LCA5L: variants seen among roughly 807,000 people sequenced by gnomAD.
LCA5L encodes the protein lebercilin-like protein.
In LCA5L, 35 loss-of-function variants were observed where a neutral mutation model predicts 45.4. The observed-to-expected ratio is 0.77, with a 90% confidence interval of 0.59 to 1.02. LCA5L has a LOEUF of 1.02. Ranked by LOEUF, LCA5L falls within the 50% of genes least tolerant of loss-of-function variation. The pLI is 0.00. For synonymous variants in LCA5L, 233 were observed against 264.7 expected (o/e 0.88, Z 1.16); for missense variants, 668 against 761.6 (o/e 0.88, Z 1.45).
In LCA5L at chr21:39,405,997, G is replaced by A. The variant is rs1486568095; in HGVS notation, c.1898C>T (p.Pro633Leu). 3 of 1,614,062 alleles carry A rather than the reference G, an allele frequency of 1.9e-6. No individual in the cohort carries two copies. The highest frequency in any genetic ancestry group is 2.5e-6 in the Non-Finnish European group (3 of 1,180,036). ...EEPLQSKESH[P>L]LPPSQASTSH... Reference sequence around the variant, plus strand: ...GGTGGAGGCCTGACTGGGAGGCAGGGGATGCGACTCCTTACTTTGCAAAGG... The same window carrying A: ...GGTGGAGGCCTGACTGGGAGGCAGGAGATGCGACTCCTTACTTTGCAAAGG... The change falls in exon 11 of 11, where the codon CCC (proline) becomes CTC (leucine). Residue 633 changes from proline (P) to leucine (L), a missense_variant. Transcript: ENST00000288350.
At chr21:39,432,563 T>C (rs566640505) in intron 3 of LCA5L, among the ~76,000 whole-genome samples, 13 of 152,276 alleles carry the variant, frequency 8.5e-5, no homozygotes, top group African/African-American at 2.9e-4. Flanking sequence ...TTGATAAGAT[T>C]AGAAATGTGT....
chr21:39,428,306 G>A lies in LCA5L; in HGVS notation c.188C>T (p.Ser63Phe), dbSNP rs765570033. Residue 63 changes from serine to phenylalanine, a missense_variant, in exon 5 of 11, where the codon TCT becomes TTT. Transcript: ENST00000288350. Reference sequence around the variant, plus strand: ...AAAGTCTTCTGAATAATCATACTGAGAACTTAAACTTCCACAGGAGCACTG... The same window carrying A: ...AAAGTCTTCTGAATAATCATACTGAAAACTTAAACTTCCACAGGAGCACTG... ...RSQCSCGSLS[S>F]QYDYSEDFLC... 8.1e-6 allele frequency: 13 copies of A among 1,612,504 alleles called. 1 individual carries two copies. The South Asian group carries it at 1.3e-4, about 16-fold the overall frequency.
At position 39,420,647 on chromosome 21, in the gene LCA5L, T is replaced by C. The variant is rs111345380; in HGVS notation, c.975+59A>G. ...CACTTAAAGATATAATAGACATAAA[T>C]AGCTCATATATTTCGGGAAACAGGA... On this transcript the variant is annotated intron_variant, in intron 7 of 10. Transcript: ENST00000288350. The C allele has an allele frequency of 1.7e-3, 2,391 of 1,433,316 alleles. 32 individuals are homozygous for C. The African/African-American group carries it at 0.027, about 16-fold the overall frequency. 88.8% of individuals were successfully genotyped at this position (1,433,316 alleles called of 1,614,324 possible).
At chr21:39,444,236 C>T (rs1370229613) in intron 1 of LCA5L, 35 bp from the exon 2 acceptor site, 1 of 152,220 alleles carries the variant, frequency 6.6e-6, no homozygotes, top group Non-Finnish European at 1.5e-5. Context: ...TAAACTCCTA[C>T]ATGATTCCTG....
At chr21:39,441,786 T>C (rs1016029944) in intron 2 of LCA5L, among the ~76,000 whole-genome samples, 1 of 152,220 alleles carries the variant, frequency 6.6e-6, no homozygotes, top group Non-Finnish European at 1.5e-5. Context: ...TGACACAACA[T>C]TCTTTTTAAT....
intron 7 of LCA5L, 79 bp downstream of exon 7, chr21:39,420,627 A>T: frequency 1.6e-6 from 2 of 1,280,248 alleles, no homozygotes; most frequent in Non-Finnish European, 2.2e-6. Context: ...AAAATCACTT[A>T]AAGATATAAT....
chr21:39,438,020 C>T (rs1312592517), intron 2 of LCA5L, among the ~76,000 whole-genome samples: 2 of 151,764 alleles, frequency 1.3e-5, no homozygotes, highest in South Asian at 4.2e-4. Context: ...TTTGACCAAA[C>T]GATACAAAAT....
intron 10 of LCA5L, among the ~76,000 whole-genome samples, chr21:39,407,489 A>G (rs1431208529): frequency 1.3e-5 from 2 of 152,224 alleles, no homozygotes; most frequent in African/African-American, 4.8e-5. Flanking sequence ...ATAGACAAGG[A>G]TAAGTGCAAC....
At position 39,409,937 on chromosome 21, in the gene LCA5L, TAAAG is replaced by T. The variant is rs548502656; in HGVS notation, c.1282+38_1282+41del. On this transcript the variant is annotated intron_variant, in intron 10 of 10. Coordinates refer to ENST00000288350, the MANE Select transcript of LCA5L (RefSeq NM_152505.4). The surrounding 1 kb of genome is among the most constrained non-coding windows in gnomAD (Gnocchi z 4.2). ...ATACACATATAGTAATTCACAATTT[TAAAG>T]AAATCAGATAAGATAGACTTTAAAG... 164 of 1,167,864 alleles carry T rather than the reference TAAAG, an allele frequency of 1.4e-4. 1 individual carries two copies. The African/African-American group carries it at 2.3e-3, about 16-fold the overall frequency. The allele number at this position is 1,167,864 out of a possible 1,614,324, so 72.3% of individuals were successfully genotyped here.
chr21:39,440,400 AAAAAC>A (rs1239450382), intron 2 of LCA5L, among the ~76,000 whole-genome samples: 1 of 152,172 alleles, frequency 6.6e-6, no homozygotes, highest in Non-Finnish European at 1.5e-5. Context: ...CATCTCTATA[AAAAAC>A]AAAACAAAAC....
chr21:39,428,786 A>C lies in LCA5L; in HGVS notation c.-10-283T>G, dbSNP rs1404451913. 2.0e-5 allele frequency among the ~76,000 whole-genome samples: 3 copies of C among 149,140 alleles called. No individual in the cohort carries two copies. The East Asian group carries it at 6.0e-4, about 30-fold the overall frequency. On this transcript the variant is annotated intron_variant, in intron 4 of 10. Transcript: ENST00000288350. ...TGCCGTCACACCTGGCTAACTTATT[A>C]TTTTTTGGTAGAAATGGGAGTCTCA... is the stretch of plus-strand genomic sequence containing the variant.
intron 3 of LCA5L, among the ~76,000 whole-genome samples, chr21:39,434,983 T>G (rs2076152603): frequency 6.6e-6 from 1 of 152,212 alleles, no homozygotes; most frequent in African/African-American, 2.4e-5. Flanking sequence ...TGTATCAAAT[T>G]TACAGTATAG....
At chr21:39,434,319 C>T (rs1400155218) in intron 3 of LCA5L, among the ~76,000 whole-genome samples, 1 of 152,194 alleles carries the variant, frequency 6.6e-6, no homozygotes, top group African/African-American at 2.4e-5. Context: ...AGTTTTCTCA[C>T]TGACCTGTTA....
At chr21:39,423,558 TA>T in intron 5 of LCA5L, 68 bp from the exon 6 acceptor site, 2 of 1,368,810 alleles carry the variant, frequency 1.5e-6, no homozygotes, top group Non-Finnish European at 2.0e-6. Flanking sequence ...CACATATGCA[TA>T]ATCTCTCTCC....
chr21:39,440,019 A>G (rs2076663188), intron 2 of LCA5L, among the ~76,000 whole-genome samples: 1 of 152,208 alleles, frequency 6.6e-6, no homozygotes, highest in Non-Finnish European at 1.5e-5. Context: ...AAGGAGTTAT[A>G]TACAGTTACA....
chr21:39,416,785 A>G (rs1024694173), intron 7 of LCA5L, among the ~76,000 whole-genome samples: 3 of 152,168 alleles, frequency 2.0e-5, no homozygotes, highest in Admixed American at 1.3e-4. Context: ...ATTACCAACT[A>G]TATCATTACT....
In LCA5L at chr21:39,410,112, G is replaced by A; in HGVS notation, c.1165-16C>T. Reference sequence around the variant, plus strand: ...CCTTTTTACCCTGTAATTTAGAAAAGCAGCAAAAACACATTTTGGGGGGTC... The same window carrying A: ...CCTTTTTACCCTGTAATTTAGAAAAACAGCAAAAACACATTTTGGGGGGTC... On this transcript the variant is annotated splice_polypyrimidine_tract_variant and intron_variant, in intron 9 of 10. Coordinates refer to ENST00000288350, the MANE Select transcript of LCA5L (RefSeq NM_152505.4). The A allele has an allele frequency of 6.4e-7, 1 of 1,555,702 alleles. No homozygotes were observed. Among genetic ancestry groups the A allele is most frequent in the Non-Finnish European group, 8.9e-7 (1 of 1,128,968 alleles).
intron 7 of LCA5L, 147 bp downstream of exon 7, chr21:39,420,559 A>G (rs1601813698): frequency 2.5e-6 from 1 of 406,960 alleles, no homozygotes; most frequent in Admixed American, 3.9e-5. Context: ...AGAACTGTGG[A>G]TGGGGGCCCA....
At chr21:39,439,432 T>G (rs773538198) in intron 2 of LCA5L, among the ~76,000 whole-genome samples, 1 of 152,176 alleles carries the variant, frequency 6.6e-6, no homozygotes, top group Non-Finnish European at 1.5e-5. Context: ...AATACAGAAC[T>G]AATACAGGTA....
Sources: gnomAD v4.1 joint callset for allele counts (sites outside exome capture counted in the v4.1 genomes callset) on GRCh38, gnomAD v4.1.1 for gene constraint, Gnocchi (gnomAD v3.1) non-coding constraint, MANE v1.5 for transcripts, NCBI Gene and HGNC (gene_info 2026-07-23, HGNC 2026-07-21) for gene names.